The following KIRREL1 variants were observed in gnomAD, a reference collection of about 807,000 sequenced individuals.
The protein encoded by KIRREL1 is kin of IRRE-like protein 1.
A neutral mutation model predicts 83.3 loss-of-function variants in KIRREL1; 25 were observed. The observed-to-expected ratio is 0.30, with a 90% CI of 0.22 to 0.42. KIRREL1 has a LOEUF of 0.42. Ranked by LOEUF, KIRREL1 falls within the 10% of genes least tolerant of loss-of-function variation. The pLI is 1.00. For synonymous variants in KIRREL1, 388 were observed against 410.4 expected, an observed-to-expected ratio of 0.95 and a Z score of 0.66; for missense variants, 812 against 1,032.3, an observed-to-expected ratio of 0.79 and a Z score of 2.92.
Position 158,084,530 on chromosome 1 carries a change from T to G in KIRREL1, c.461T>G (p.Ile154Ser). The G allele has an allele frequency of 6.4e-7, 1 of 1,551,736 alleles. No homozygotes were observed. Among genetic ancestry groups the G allele is most frequent in the Non-Finnish European group, 8.7e-7 (1 of 1,147,002 alleles). The change falls in exon 4 of 15, where the codon ATC (isoleucine) becomes AGC (serine). Residue 154 changes from isoleucine (I) to serine (S), a missense_variant. Around this residue, in one of 3 missense-constraint regions of KIRREL1, gnomAD observed 472 missense variants for 626.8 expected, o/e 0.75. Transcript: ENST00000359209. ...RAFNAKPAAT[I>S]IWFRDGTQQE... ...TTCAATGCGAAGCCTGCTGCCACCA[T>G]CATCTGGTTCCGGGACGGGACGCAG... is the stretch of plus-strand genomic sequence containing the variant.
At position 158,094,928 on chromosome 1, in the gene KIRREL1, CT is replaced by C; in HGVS notation, c.2084del (p.Phe695SerfsTer143). 6.2e-7 allele frequency: 1 copy of C among 1,614,106 alleles called. No individual in the cohort carries two copies. Among genetic ancestry groups the C allele is most frequent in the Non-Finnish European group, 8.5e-7 (1 of 1,180,008 alleles). On this transcript the variant is annotated frameshift_variant, in exon 15 of 15. Transcript: ENST00000359209. LOFTEE classifies it high-confidence loss of function. The surrounding 1 kb of genome is among the most constrained non-coding windows in gnomAD (Gnocchi z 4.6). Reference sequence around the variant, plus strand: ...ACTATGAGAAGTTCAACTCCCATCCCTTCCCTGGGGCAGCTGGGTACCCCAC... The same window carrying C: ...ACTATGAGAAGTTCAACTCCCATCCCTCCCTGGGGCAGCTGGGTACCCCAC... ...ENYEKFNSHP[F>X]PGAAGYPTYR... is the part of the protein sequence containing the mutation.
chr1:158,091,830 G>T (rs1013426423), intron 11 of KIRREL1, among the ~76,000 whole-genome samples: 3 of 152,182 alleles, frequency 2.0e-5, no homozygotes, highest in African/African-American at 7.2e-5. Flanking sequence ...GCTCAACTGG[G>T]GAAATGCCCT....
Position 157,993,683 on chromosome 1 carries a change from A to T in KIRREL1, c.7A>T (p.Ser3Cys), listed in dbSNP as rs1659105526. 1.1e-5 allele frequency: 16 copies of T among 1,489,432 alleles called. No homozygotes were observed. The East Asian group carries it at 4.7e-4, about 44-fold the overall frequency. 92.3% of individuals were successfully genotyped at this position (1,489,432 alleles called of 1,614,324 possible). The part of the protein sequence containing the change: ML[S>C]LLVWILTLSD... Reference sequence around the variant, plus strand: ...CGCACGGCGGGCGGACAGCATGCTGAGCCTCCTCGTCTGGATCCTCACTCT... The same window carrying T: ...CGCACGGCGGGCGGACAGCATGCTGTGCCTCCTCGTCTGGATCCTCACTCT... Residue 3 changes from serine to cysteine, a missense_variant, in exon 1 of 15, where the codon AGC (serine) becomes TGC (cysteine). By Grantham distance (112) the Ser-to-Cys change is moderately radical (BLOSUM62 -1). Around this residue, in one of 3 missense-constraint regions of KIRREL1, gnomAD observed 472 missense variants for 626.8 expected, o/e 0.75. Transcript: ENST00000359209.
chr1:158,067,161 C>T lies in KIRREL1; in HGVS notation c.53-8952C>T, dbSNP rs1038646748. Among the ~76,000 whole-genome samples the T allele has an allele frequency of 2.0e-5, 3 of 152,256 alleles. No homozygotes were observed. The East Asian group carries it at 5.8e-4, about 29-fold the overall frequency. On this transcript the variant is annotated intron_variant, in intron 1 of 14. Transcript: ENST00000359209. ...GCCTTTTCCATGTAGAGCTCAAAGT[C>T]CTGTGAGTGGGCCTGGGCTGGCAGG...
At chr1:158,036,638 G>A (rs765479282) in intron 1 of KIRREL1, among the ~76,000 whole-genome samples, 3 of 152,188 alleles carry the variant, frequency 2.0e-5, no homozygotes, top group Non-Finnish European at 2.9e-5. Flanking sequence ...AGAGGCGCTT[G>A]ATGGAGGAGA....
In KIRREL1 at chr1:158,097,419, G is replaced by C. The variant is rs1662382888; in HGVS notation, c.*2299G>C. The C allele has an allele frequency of 3.7e-6, 1 of 272,198 alleles. No homozygotes were observed. Among genetic ancestry groups the C allele is most frequent in the Non-Finnish European group, 7.1e-6 (1 of 141,224 alleles). 16.9% of individuals were successfully genotyped at this position (272,198 alleles called of 1,614,324 possible). ...TTAGTTTCATTCTACTGAAATGATG[G>C]AGAGAGGGCCTAAGGTTACTAGGTA... is the stretch of plus-strand genomic sequence containing the variant. On this transcript the variant is annotated 3_prime_UTR_variant, in exon 15 of 15. Coordinates refer to ENST00000359209, the MANE Select transcript of KIRREL1 (RefSeq NM_018240.7).
chr1:158,098,266 AG>A lies in KIRREL1; in HGVS notation c.*3148del, dbSNP rs1368043938. ...CCACTCATTTCTGATGGGTTTGCAAAGGTGCCTTTTGCCAGGGCAGGACATA... is the reference window on the plus strand; with the variant it reads ...CCACTCATTTCTGATGGGTTTGCAAAGTGCCTTTTGCCAGGGCAGGACATA... On this transcript the variant is annotated 3_prime_UTR_variant, in exon 15 of 15. Transcript: ENST00000359209. The A allele has an allele frequency of 6.6e-6, 1 of 152,226 alleles. No homozygotes were observed. Among genetic ancestry groups the A allele is most frequent in the Non-Finnish European group, 1.5e-5 (1 of 68,056 alleles). 9.4% of individuals were successfully genotyped at this position (152,226 alleles called of 1,614,324 possible).
chr1:158,098,631 A>G lies in KIRREL1; in HGVS notation c.*3511A>G, dbSNP rs1662414479. 6.6e-6 allele frequency: 1 copy of G among 152,204 alleles called. No homozygotes were observed. The highest frequency in any genetic ancestry group is 2.1e-4 in the South Asian group (1 of 4,830). 9.4% of individuals were successfully genotyped at this position (152,204 alleles called of 1,614,324 possible). ...ACTTCCCTCGTGAAGGACCCGCCCT[A>G]TATCCTAAATTCTGGATCCCTCAAA... is the stretch of plus-strand genomic sequence containing the variant. On this transcript the variant is annotated 3_prime_UTR_variant, in exon 15 of 15. Transcript: ENST00000359209.
At chr1:157,996,435 C>T (rs774084117) in intron 1 of KIRREL1, among the ~76,000 whole-genome samples, 6 of 151,656 alleles carry the variant, frequency 4.0e-5, no homozygotes, top group Non-Finnish European at 5.9e-5. Context: ...CAGGCCGGCT[C>T]GGGGAGGGAG....
chr1:158,077,864 T>G, intron 2 of KIRREL1, 127 bp from the exon 3 acceptor site: 1 of 1,080,168 alleles, frequency 9.3e-7, no homozygotes, highest in Non-Finnish European at 1.4e-6. Context: ...GGTGTCTGTG[T>G]CTGGGGCCTC....
At chr1:158,028,729 T>C (rs1660238931) in intron 1 of KIRREL1, among the ~76,000 whole-genome samples, 2 of 152,194 alleles carry the variant, frequency 1.3e-5, no homozygotes, top group African/African-American at 2.4e-5. Context: ...GATTTCACAG[T>C]CTCTTTATTT....
At chr1:158,049,554 C>T (rs1039805589) in intron 1 of KIRREL1, among the ~76,000 whole-genome samples, 2 of 152,166 alleles carry the variant, frequency 1.3e-5, no homozygotes, top group Non-Finnish European at 2.9e-5. Context: ...AATGGAGAGC[C>T]ATTGAAAGGT....
intron 1 of KIRREL1, among the ~76,000 whole-genome samples, chr1:158,074,274 C>T (rs937229679): frequency 6.6e-6 from 1 of 152,150 alleles, no homozygotes; most frequent in South Asian, 2.1e-4. Context: ...CTGGCCCCTG[C>T]AGACCCAAAG....
chr1:158,089,440 C>A lies in KIRREL1; in HGVS notation c.1045-62C>A, dbSNP rs745860392. 58 of 1,598,508 alleles carry A rather than the reference C, an allele frequency of 3.6e-5. No individual in the cohort carries two copies. In the African/African-American group the frequency reaches 7.1e-4, roughly 19 times the overall value. On this transcript the variant is annotated intron_variant, in intron 8 of 14. Transcript: ENST00000359209. ...CTTTCCGATGCCTCCGATGTGGGGC[C>A]CTCATGGACCTAGGGGCCCAGGCCT...
chr1:158,088,049 C>G lies in KIRREL1; in HGVS notation c.811C>G (p.Arg271Gly). 6.2e-7 allele frequency: 1 copy of G among 1,614,206 alleles called. No homozygotes were observed. Among genetic ancestry groups the G allele is most frequent in the Non-Finnish European group, 8.5e-7 (1 of 1,180,050 alleles). The change falls in exon 7 of 15, where the codon CGC becomes GGC. Residue 271 changes from arginine (R) to glycine (G), a missense_variant. Physicochemically the swap from Arg to Gly is moderately radical, Grantham distance 125. This residue lies in a region of KIRREL1 where 472 missense variants were observed against 626.8 expected (regional missense o/e 0.75). Transcript: ENST00000359209. The stretch of plus-strand genomic sequence containing the variant: ...CTTGATTGAAGACGCCCACGAGAGT[C>G]GCTATGAGACAAATGTGGATTATTC... ...GFLIEDAHES[R>G]YETNVDYSFF...
At chr1:158,079,156 T>TC (rs1356460011) in intron 3 of KIRREL1, among the ~76,000 whole-genome samples, 2 of 152,248 alleles carry the variant, frequency 1.3e-5, no homozygotes, top group Non-Finnish European at 2.9e-5. Flanking sequence ...CCCTTTTTTT[T>TC]CTGCCTCCAT....
chr1:158,040,964 G>C (rs543166542), intron 1 of KIRREL1, among the ~76,000 whole-genome samples: 6 of 152,162 alleles, frequency 3.9e-5, no homozygotes, highest in Non-Finnish European at 5.9e-5. Context: ...CTAGGGGTAG[G>C]GGGAGCTGGG....
intron 1 of KIRREL1, among the ~76,000 whole-genome samples, chr1:158,060,274 G>C (rs11581080): frequency 6.6e-6 from 1 of 152,128 alleles, no homozygotes; most frequent in Admixed American, 6.5e-5. Flanking sequence ...ACATTCTGGG[G>C]ATCTCTGACC....
At chr1:158,018,035 C>A (rs1659883592) in intron 1 of KIRREL1, among the ~76,000 whole-genome samples, 1 of 152,050 alleles carries the variant, frequency 6.6e-6, no homozygotes, top group African/African-American at 2.4e-5. Flanking sequence ...GGCAAAATAT[C>A]TTGAGAGTTG....
Sources: gnomAD v4.1 joint callset for allele counts (sites outside exome capture counted in the v4.1 genomes callset) on GRCh38, gnomAD v4.1.1 for gene constraint, gnomAD v4.1.1 regional missense constraint, Gnocchi (gnomAD v3.1) non-coding constraint, MANE v1.5 for transcripts, NCBI Gene and HGNC (gene_info 2026-07-23, HGNC 2026-07-21) for gene names.